MAGI2: variants seen among roughly 807,000 people sequenced by gnomAD.
The protein encoded by MAGI2 is membrane associated guanylate kinase, WW and PDZ domain containing 2, also known as membrane-associated guanylate kinase, WW and PDZ domain-containing protein 2.
MAGI2 carries 35 observed loss-of-function variants against 133.3 expected under a neutral mutation model. The observed-to-expected ratio is 0.26, with a 90% CI of 0.20 to 0.35. The LOEUF (loss-of-function observed/expected upper bound fraction) is 0.35, where lower values mean the gene tolerates loss of function less well. Among genes scored for constraint, MAGI2 ranks in the 10% least tolerant of loss-of-function variants. MAGI2 has a pLI of 1.00. For synonymous variants in MAGI2, 729 were observed against 710.6 expected (o/e 1.03, Z -0.41); for missense variants, 1,636 against 1,863.4 (o/e 0.88, Z 2.25).
intron 21 of MAGI2, among the ~76,000 whole-genome samples, chr7:78,055,884 G>A (rs976007106): frequency 6.6e-6 from 1 of 152,166 alleles, no homozygotes; most frequent in East Asian, 1.9e-4. Flanking sequence ...ATCCTCTGAA[G>A]TAACCTCCGC....
At chr7:79,306,604 T>C (rs1167432795) in intron 1 of MAGI2, among the ~76,000 whole-genome samples, 2 of 152,120 alleles carry the variant, frequency 1.3e-5, no homozygotes, top group Non-Finnish European at 2.9e-5. Context: ...ATGATGCAGA[T>C]TTTTTTCTTT....
chr7:78,315,729 A>G (rs902947574), intron 9 of MAGI2, among the ~76,000 whole-genome samples: 1 of 152,238 alleles, frequency 6.6e-6, no homozygotes, highest in Admixed American at 6.5e-5. Flanking sequence ...CTTCAAAATT[A>G]GAGCTTCTTT....
chr7:79,270,680 C>T (rs1463435494), intron 1 of MAGI2, among the ~76,000 whole-genome samples: 1 of 152,028 alleles, frequency 6.6e-6, no homozygotes, highest in Admixed American at 6.6e-5. Context: ...ATGCCAGGAT[C>T]TCTGCCATTA....
chr7:78,992,086 G>C (rs906992031), intron 2 of MAGI2, among the ~76,000 whole-genome samples: 8 of 151,956 alleles, frequency 5.3e-5, no homozygotes, highest in African/African-American at 1.7e-4. Context: ...AACTAATCTG[G>C]TCATTATTGT....
At chr7:79,158,986 T>C (rs1824084786) in intron 1 of MAGI2, among the ~76,000 whole-genome samples, 1 of 152,088 alleles carries the variant, frequency 6.6e-6, no homozygotes, top group African/African-American at 2.4e-5. Flanking sequence ...TGTTTATACA[T>C]GTTATACAAG....
At chr7:78,041,034 A>G (rs1810780572) in intron 21 of MAGI2, among the ~76,000 whole-genome samples, 1 of 152,082 alleles carries the variant, frequency 6.6e-6, no homozygotes, top group African/African-American at 2.4e-5. Flanking sequence ...GATTGAAACT[A>G]ACTCAGGCTC....
At chr7:78,774,186 C>T (rs1000966320) in intron 2 of MAGI2, among the ~76,000 whole-genome samples, 8 of 152,070 alleles carry the variant, frequency 5.3e-5, no homozygotes, top group Admixed American at 2.6e-4. Flanking sequence ...GGATAGAAAC[C>T]GGAAACATTG....
At chr7:78,807,089 C>T (rs1163981612) in intron 2 of MAGI2, among the ~76,000 whole-genome samples, 1 of 151,756 alleles carries the variant, frequency 6.6e-6, no homozygotes, top group African/African-American at 2.4e-5. Flanking sequence ...TTATTGCAAT[C>T]CTCTGATTAA....
At chr7:78,496,978 T>C (rs1384670288) in intron 5 of MAGI2, among the ~76,000 whole-genome samples, 1 of 152,150 alleles carries the variant, frequency 6.6e-6, no homozygotes, top group Non-Finnish European at 1.5e-5. Context: ...TCTAAAAGTC[T>C]CAGTTTCATA....
rs754974925 is a variant in MAGI2 at position 78,987,850 on chromosome 7, GCA to G, written c.418+19238_418+19239del. Among the ~76,000 whole-genome samples, 20 of 150,940 alleles carry G rather than the reference GCA, an allele frequency of 1.3e-4. No homozygotes were observed. In the South Asian group the frequency reaches 4.2e-3, roughly 32 times the overall value. ...CGTTTTTATACACACACACACACAGGCACACACACACAGTAAAGGAAAAAAGA... is the reference window on the plus strand; with the variant it reads ...CGTTTTTATACACACACACACACAGGCACACACACAGTAAAGGAAAAAAGA... On this transcript the variant is annotated intron_variant, in intron 2 of 21. Transcript: ENST00000354212.
intron 21 of MAGI2, among the ~76,000 whole-genome samples, chr7:78,021,887 G>A (rs976910470): frequency 2.6e-5 from 4 of 152,158 alleles, no homozygotes; most frequent in South Asian, 4.1e-4. Flanking sequence ...ACTTTCTAAG[G>A]GAAAGCACTT....
At chr7:79,310,054 A>C (rs1838136142) in intron 1 of MAGI2, among the ~76,000 whole-genome samples, 1 of 147,910 alleles carries the variant, frequency 6.8e-6, no homozygotes, top group Admixed American at 6.8e-5. Context: ...AATCCCAGCT[A>C]CTTGGAGGCT....
intron 1 of MAGI2, among the ~76,000 whole-genome samples, chr7:79,085,586 A>C (rs1816414072): frequency 6.6e-6 from 1 of 151,892 alleles, no homozygotes; most frequent in East Asian, 1.9e-4. Context: ...TTGGATATTC[A>C]AAATAATATA....
At chr7:78,075,194 T>C (rs1036665796) in intron 21 of MAGI2, among the ~76,000 whole-genome samples, 1 of 152,106 alleles carries the variant, frequency 6.6e-6, no homozygotes, top group Non-Finnish European at 1.5e-5. Context: ...GGAATTTTCT[T>C]GAGCAGCAAT....
chr7:78,892,118 T>A (rs1349273902), intron 2 of MAGI2, among the ~76,000 whole-genome samples: 1 of 152,068 alleles, frequency 6.6e-6, no homozygotes, highest in African/African-American at 2.4e-5. Flanking sequence ...ATGAGTGAAC[T>A]CCCATTCACA....
chr7:78,156,119 A>G (rs561774616), intron 16 of MAGI2, among the ~76,000 whole-genome samples: 3 of 152,300 alleles, frequency 2.0e-5, no homozygotes, highest in African/African-American at 2.4e-5. Flanking sequence ...CATTACTTTT[A>G]TAGCTTATTG....
At chr7:78,670,369 G>A (rs1371223576) in intron 2 of MAGI2, among the ~76,000 whole-genome samples, 1 of 152,186 alleles carries the variant, frequency 6.6e-6, no homozygotes, top group Non-Finnish European at 1.5e-5. Context: ...TACAAGGGAT[G>A]TGAAGGACCT....
chr7:78,474,067 A>G (rs1990579), intron 6 of MAGI2, among the ~76,000 whole-genome samples: 52,350 of 151,820 alleles, frequency 0.34, 11,108 homozygotes, highest in African/African-American at 0.58. Flanking sequence ...CCACAATAAC[A>G]ACATTAACCG....
At chr7:78,598,403 C>G (rs1337620610) in intron 3 of MAGI2, among the ~76,000 whole-genome samples, 5 of 151,964 alleles carry the variant, frequency 3.3e-5, no homozygotes, top group East Asian at 1.9e-4. Flanking sequence ...GAAGGAAAAC[C>G]TTGAGTTATG....
Sources: gnomAD v4.1 joint callset for allele counts (sites outside exome capture counted in the v4.1 genomes callset) on GRCh38, gnomAD v4.1.1 for gene constraint, MANE v1.5 for transcripts, NCBI Gene and HGNC (gene_info 2026-07-23, HGNC 2026-07-21) for gene names.